The following KCNN3 variants were observed in gnomAD, a reference collection of about 807,000 sequenced individuals.
The protein encoded by KCNN3 is small conductance calcium-activated potassium channel protein 3.
Under a neutral mutation model 62.9 loss-of-function variants are expected in KCNN3, and 16 were observed. The ratio of observed to expected loss-of-function variants is 0.25; its 90% CI spans 0.17 to 0.39. KCNN3 has a LOEUF of 0.39. Among genes scored for constraint, KCNN3 ranks in the 10% least tolerant of loss-of-function variants. The pLI, the probability that KCNN3 is intolerant of heterozygous loss-of-function variation, is 1.00. For synonymous variants in KCNN3, 370 were observed against 389.2 expected, an observed-to-expected ratio of 0.95 and a Z score of 0.58; for missense variants, 599 against 949.4, an observed-to-expected ratio of 0.63 and a Z score of 4.85.
intron 1 of KCNN3, among the ~76,000 whole-genome samples, chr1:154,832,688 A>G (rs1651422646): frequency 6.6e-6 from 1 of 152,244 alleles, no homozygotes. Context: ...TTCTCTTAGT[A>G]AAACCTATCT....
chr1:154,757,562 G>A (rs148717991), intron 3 of KCNN3, among the ~76,000 whole-genome samples: 13 of 152,182 alleles, frequency 8.5e-5, no homozygotes, highest in African/African-American at 2.9e-4. Context: ...CCTGGGTCTC[G>A]CTCCCTAATT....
chr1:154,848,711 C>T (rs530475401), intron 1 of KCNN3, among the ~76,000 whole-genome samples: 3 of 152,188 alleles, frequency 2.0e-5, no homozygotes, highest in Non-Finnish European at 4.4e-5. Flanking sequence ...GCTCAGAACA[C>T]GCATTCCCTT....
intron 3 of KCNN3, among the ~76,000 whole-genome samples, chr1:154,742,302 C>T (rs1183060421): frequency 6.6e-6 from 1 of 152,254 alleles, no homozygotes; most frequent in African/African-American, 2.4e-5. Context: ...CATCCACCTA[C>T]TGCCCACACA....
At chr1:154,766,766 G>A (rs1275358912) in intron 3 of KCNN3, among the ~76,000 whole-genome samples, 3 of 150,208 alleles carry the variant, frequency 2.0e-5, no homozygotes, top group Non-Finnish European at 4.4e-5. Flanking sequence ...TGCAAGCTCC[G>A]CCTCCTGGGT....
rs1294140095 is a variant in KCNN3 at position 154,699,724 on chromosome 1, G to A, written c.*8252C>T. 1.3e-5 allele frequency: 2 copies of A among 152,046 alleles called. No homozygotes were observed. Among genetic ancestry groups the A allele is most frequent in the African/African-American group, 2.4e-5 (1 of 41,366 alleles). The allele number at this position is 152,046 out of a possible 1,614,324, so 9.4% of individuals were successfully genotyped here. On this transcript the variant is annotated 3_prime_UTR_variant, in exon 8 of 8. Transcript: ENST00000271915. ...CTCTTGCTATTTTCCTCTAGGGGAG[G>A]GGAGTTCTTACTGGTGAGATGCTGA... is the stretch of plus-strand genomic sequence containing the variant.
rs1378741603 is a variant in KCNN3 at position 154,700,158 on chromosome 1, C to T, written c.*7818G>A. On this transcript the variant is annotated 3_prime_UTR_variant, in exon 8 of 8. Transcript: ENST00000271915. ...TCTAATTATTAACGAGGTTAGTTAT[C>T]ACTACGGTGAGGTGAGGCCAGTGCT... is the stretch of plus-strand genomic sequence containing the variant. 6.6e-6 allele frequency: 1 copy of T among 152,166 alleles called. No homozygotes were observed. The highest frequency in any genetic ancestry group is 2.4e-5 in the African/African-American group (1 of 41,418). 9.4% of individuals were successfully genotyped at this position (152,166 alleles called of 1,614,324 possible). A position where few individuals can be genotyped will look rare whatever the true frequency, so the allele number is the denominator to read the frequency against.
At chr1:154,712,894 A>T (rs1449211368) in intron 7 of KCNN3, among the ~76,000 whole-genome samples, 1 of 152,082 alleles carries the variant, frequency 6.6e-6, no homozygotes, top group Admixed American at 6.5e-5. Context: ...CTCTCAAAAG[A>T]GGGCTCTCTT....
At chr1:154,859,391 C>G (rs1381061986) in intron 1 of KCNN3, among the ~76,000 whole-genome samples, 1 of 152,232 alleles carries the variant, frequency 6.6e-6, no homozygotes, top group Non-Finnish European at 1.5e-5. Flanking sequence ...GCACCCACAG[C>G]CAGGCTGGCC....
intron 2 of KCNN3, among the ~76,000 whole-genome samples, chr1:154,813,582 T>A (rs1344595946): frequency 6.6e-6 from 1 of 152,078 alleles, no homozygotes; most frequent in Non-Finnish European, 1.5e-5. Context: ...CGTCCTGAAC[T>A]CCTGGAGCTA....
chr1:154,866,379 C>T (rs916732165), intron 1 of KCNN3, among the ~76,000 whole-genome samples: 3 of 152,192 alleles, frequency 2.0e-5, no homozygotes, highest in African/African-American at 7.2e-5. Context: ...GTGCCTTACA[C>T]GTCTCTAATT....
intron 4 of KCNN3, among the ~76,000 whole-genome samples, chr1:154,727,382 T>C (rs192697098): frequency 2.5e-4 from 38 of 152,350 alleles, no homozygotes; most frequent in Middle Eastern, 3.4e-3. Flanking sequence ...AAAGGTACTA[T>C]AATCTATAAC....
rs1648245200 is a variant in KCNN3, at chr1:154,765,858, G to A, written c.1448+6117C>T. ...GATGGGTTTTTGCTGTGTTGGTCAG[G>A]CTGGTCTCCAACTCCTGACCTCAAG... On this transcript the variant is annotated intron_variant, in intron 3 of 7. Coordinates refer to ENST00000271915, the MANE Select transcript of KCNN3 (RefSeq NM_002249.6). 1.3e-5 allele frequency among the ~76,000 whole-genome samples: 2 copies of A among 151,732 alleles called. 1 individual carries two copies. The highest frequency in any genetic ancestry group is 4.2e-4 in the South Asian group (2 of 4,812).
chr1:154,831,965 C>T (rs574580401), intron 1 of KCNN3, among the ~76,000 whole-genome samples: 2 of 152,164 alleles, frequency 1.3e-5, no homozygotes, highest in Admixed American at 1.3e-4. Flanking sequence ...GGCTGCCTTG[C>T]CCCCATCATA....
chr1:154,850,143 G>A (rs1305328087), intron 1 of KCNN3, among the ~76,000 whole-genome samples: 1 of 152,148 alleles, frequency 6.6e-6, no homozygotes, highest in Non-Finnish European at 1.5e-5. Context: ...CACTCTAGGG[G>A]CAGAGCCAGG....
intron 3 of KCNN3, among the ~76,000 whole-genome samples, chr1:154,765,970 T>C (rs1189197792): frequency 6.6e-6 from 1 of 152,056 alleles, no homozygotes; most frequent in Non-Finnish European, 1.5e-5. Flanking sequence ...CTAATGTTGC[T>C]TTTTGTTTTT....
At chr1:154,806,682 A>G (rs1224581270) in intron 2 of KCNN3, among the ~76,000 whole-genome samples, 4 of 152,232 alleles carry the variant, frequency 2.6e-5, no homozygotes, top group Non-Finnish European at 5.9e-5. Context: ...ATTAATCTGC[A>G]TTTCCTCCTT....
At chr1:154,806,162 C>CCCCT (rs1650164976) in intron 2 of KCNN3, among the ~76,000 whole-genome samples, 1 of 152,122 alleles carries the variant, frequency 6.6e-6, no homozygotes, top group South Asian at 2.1e-4. Flanking sequence ...AGAAGGGAGG[C>CCCCT]CCCTAGGGAG....
chr1:154,708,503 A>G (rs192973087), intron 7 of KCNN3, among the ~76,000 whole-genome samples: 5 of 152,218 alleles, frequency 3.3e-5, no homozygotes, highest in African/African-American at 1.2e-4. Context: ...ATTTTATTAG[A>G]AAATATGCAC....
intron 3 of KCNN3, among the ~76,000 whole-genome samples, chr1:154,734,455 G>T (rs922528120): frequency 6.6e-6 from 1 of 152,170 alleles, no homozygotes; most frequent in African/African-American, 2.4e-5. Flanking sequence ...TGCACACAAC[G>T]TGCCGGGACA....
Sources: allele counts gnomAD v4.1 joint callset (sites outside exome capture counted in the v4.1 genomes callset), GRCh38; gene constraint gnomAD v4.1.1; transcripts MANE v1.5; gene names NCBI Gene and HGNC (gene_info 2026-07-23, HGNC 2026-07-21).